The following FAM91A1 variants were observed in gnomAD, a reference collection of about 807,000 sequenced individuals.
FAM91A1 encodes protein FAM91A1.
Under a neutral mutation model 113.5 loss-of-function variants are expected in FAM91A1, and 41 were observed. The ratio of observed to expected loss-of-function variants is 0.36; its 90% CI spans 0.28 to 0.47. FAM91A1 has a LOEUF of 0.47. FAM91A1 is among the 20% of genes least tolerant of loss of function. FAM91A1 has a pLI of 1.00. For missense variants in FAM91A1, 696 were observed against 1,001.2 expected (o/e 0.70, Z 4.11); for synonymous variants, 307 against 347.9 (o/e 0.88, Z 1.31).
At position 123,813,523 on chromosome 8, in the gene FAM91A1, T is replaced by G. The variant is rs1376610262; in HGVS notation, c.*819T>G. The G allele has an allele frequency of 1.3e-5, 2 of 152,562 alleles. No individual in the cohort carries two copies. The highest frequency in any genetic ancestry group is 4.8e-5 in the African/African-American group (2 of 41,456). 9.5% of individuals were successfully genotyped at this position (152,562 alleles called of 1,614,324 possible). A position where few individuals can be genotyped will look rare whatever the true frequency, so the allele number is the denominator to read the frequency against. ...GATTTATTTTTTTGTTTCTTAGCTT[T>G]GATGTTTTCAAACCAAGGATTGTGA... On this transcript the variant is annotated 3_prime_UTR_variant, in exon 24 of 24. Transcript: ENST00000334705.
chr8:123,800,434 C>A (rs1469218398), intron 18 of FAM91A1, among the ~76,000 whole-genome samples: 1 of 152,066 alleles, frequency 6.6e-6, no homozygotes, highest in Non-Finnish European at 1.5e-5. Context: ...TATTTTCAGA[C>A]CTTGGTTGAC....
chr8:123,803,104 G>A (rs1815725209), intron 18 of FAM91A1, among the ~76,000 whole-genome samples: 1 of 152,150 alleles, frequency 6.6e-6, no homozygotes, highest in African/African-American at 2.4e-5. Context: ...AGAAGTTGGA[G>A]ACCAACTTGG....
At chr8:123,805,438 T>G in intron 19 of FAM91A1, 99 bp downstream of exon 19, 1 of 1,035,440 alleles carries the variant, frequency 9.7e-7, no homozygotes, top group East Asian at 2.6e-5. Flanking sequence ...ATTCTTGAAA[T>G]TTTTAAGTTC....
intron 14 of FAM91A1, among the ~76,000 whole-genome samples, chr8:123,789,113 T>A (rs1355995816): frequency 4.6e-5 from 7 of 152,064 alleles, no homozygotes; most frequent in African/African-American, 1.4e-4. Context: ...CCTAGGGAGG[T>A]CATAGTCCAT....
Position 123,810,185 on chromosome 8 carries a change from A to C in FAM91A1, c.2262-97A>C. On this transcript the variant is annotated intron_variant, in intron 22 of 23. Transcript: ENST00000334705. ...GATGTTTTGTGATTGGCCAGGATAT[A>C]TAGATGCATTTAAATTGCTAAAATT... 7 of 1,116,180 alleles carry C rather than the reference A, an allele frequency of 6.3e-6. No individual in the cohort carries two copies. The South Asian group carries it at 8.9e-5, about 14-fold the overall frequency. 69.1% of individuals were successfully genotyped at this position (1,116,180 alleles called of 1,614,324 possible). A position where few individuals can be genotyped will look rare whatever the true frequency, so the allele number is the denominator to read the frequency against.
chr8:123,772,962 A>C (rs1814890249), intron 1 of FAM91A1, among the ~76,000 whole-genome samples: 1 of 152,060 alleles, frequency 6.6e-6, no homozygotes, highest in Non-Finnish European at 1.5e-5. Flanking sequence ...GCTGAGGAGG[A>C]GGAGGAGGAG....
At chr8:123,770,752 T>A (rs956550491) in intron 1 of FAM91A1, among the ~76,000 whole-genome samples, 1 of 152,242 alleles carries the variant, frequency 6.6e-6, no homozygotes, top group Non-Finnish European at 1.5e-5. Flanking sequence ...AAAATAATCA[T>A]GGGACAGTTA....
chr8:123,768,861 G>A, intron 1 of FAM91A1, 87 bp downstream of exon 1: 1 of 1,320,382 alleles, frequency 7.6e-7, no homozygotes. Context: ...GCCCGAGCGG[G>A]CTGCTGCCGG....
intron 18 of FAM91A1, among the ~76,000 whole-genome samples, chr8:123,800,735 T>C (rs1263427555): frequency 6.6e-6 from 1 of 152,198 alleles, no homozygotes; most frequent in Non-Finnish European, 1.5e-5. Flanking sequence ...TCTCTATAGA[T>C]TTGCCGAATC....
intron 18 of FAM91A1, among the ~76,000 whole-genome samples, chr8:123,804,752 G>T (rs1314408155): frequency 6.6e-6 from 1 of 152,110 alleles, no homozygotes; most frequent in African/African-American, 2.4e-5. Context: ...AACCTCCATT[G>T]AAGATATGTC....
chr8:123,791,791 T>G (rs1327474544), intron 15 of FAM91A1, among the ~76,000 whole-genome samples: 3 of 152,210 alleles, frequency 2.0e-5, no homozygotes, highest in Non-Finnish European at 4.4e-5. Context: ...GAGGATATCT[T>G]AGGGCATTAA....
intron 18 of FAM91A1, among the ~76,000 whole-genome samples, chr8:123,801,576 A>C (rs899294760): frequency 1.3e-5 from 2 of 152,198 alleles, no homozygotes; most frequent in African/African-American, 4.8e-5. Context: ...TCTTCAAGGA[A>C]TTTAAGGATG....
chr8:123,778,542 T>C, intron 5 of FAM91A1, 117 bp from the exon 6 acceptor site: 3 of 669,710 alleles, frequency 4.5e-6, no homozygotes, highest in Admixed American at 2.7e-5. Flanking sequence ...TTTTAAAACA[T>C]GAAGATTTTA....
intron 23 of FAM91A1, 123 bp from the exon 24 acceptor site, chr8:123,812,396 C>T: frequency 1.6e-6 from 1 of 626,942 alleles, no homozygotes; most frequent in Non-Finnish European, 2.5e-6. Context: ...CTTTGCATCT[C>T]CTGTACTGCT....
chr8:123,801,865 A>G (rs551285998), intron 18 of FAM91A1, among the ~76,000 whole-genome samples: 1 of 151,036 alleles, frequency 6.6e-6, no homozygotes. Flanking sequence ...CTTGGGTCAT[A>G]GTAGTTGTCC....
At chr8:123,768,909 G>C in intron 1 of FAM91A1, 135 bp downstream of exon 1, 1 of 897,638 alleles carries the variant, frequency 1.1e-6, no homozygotes, top group East Asian at 2.7e-5. Context: ...GTCTTGGGGA[G>C]ACGGACCTTC....
Position 123,784,558 on chromosome 8 carries a change from G to A in FAM91A1, c.792G>A (p.Glu264=), listed in dbSNP as rs1815204023. 1 of 1,602,964 alleles carries A rather than the reference G, an allele frequency of 6.2e-7. No homozygotes were observed. Among genetic ancestry groups the A allele is most frequent in the East Asian group, 2.3e-5 (1 of 44,278 alleles). ...ATAAGATATTTGTTTCAATAGATGA[G>A]CACACAAATGTTGCAGAGGTAAGTT... ...LLYKIFVSID[E]HTNVAELANV... is the part of the protein sequence containing the mutation. The change falls in exon 9 of 24, where the codon GAG becomes GAA. Residue 264 remains glutamate, a synonymous_variant. Transcript: ENST00000334705.
intron 1 of FAM91A1, among the ~76,000 whole-genome samples, chr8:123,769,538 G>A (rs1042551593): frequency 2.0e-5 from 3 of 152,200 alleles, no homozygotes; most frequent in Admixed American, 2.0e-4. Context: ...GTTTCAACAA[G>A]AGTGACATGA....
At position 123,808,311 on chromosome 8, in the gene FAM91A1, G is replaced by A. The variant is rs200886859; in HGVS notation, c.2072G>A (p.Ser691Asn). 3.7e-6 allele frequency: 6 copies of A among 1,613,362 alleles called. No individual in the cohort carries two copies. Among genetic ancestry groups the A allele is most frequent in the South Asian group, 2.2e-5 (2 of 91,036 alleles). ...GCTTCTGGCTCAGATGTAAATGGGA[G>A]TACAGAGTCATTTGAAATGGTCATT... Reference protein sequence around the residue: ...DLASGSDVNGSTESFEMVIEE... With the variant: ...DLASGSDVNGNTESFEMVIEE... The change falls in exon 21 of 24, where the codon AGT (serine) becomes AAT (asparagine). Residue 691 changes from serine to asparagine, a missense_variant. Physicochemically the swap from Ser to Asn is conservative, Grantham distance 46. Coordinates refer to ENST00000334705, the MANE Select transcript of FAM91A1 (RefSeq NM_144963.4).
Sources: allele counts gnomAD v4.1 joint callset (sites outside exome capture counted in the v4.1 genomes callset), GRCh38; gene constraint gnomAD v4.1.1; transcripts MANE v1.5; gene names NCBI Gene and HGNC (gene_info 2026-07-23, HGNC 2026-07-21).